NFATC3: variants seen among roughly 807,000 people sequenced by gnomAD.
The protein encoded by NFATC3 is nuclear factor of activated T cells 3, also known as nuclear factor of activated T-cells, cytoplasmic 3.
In NFATC3, 46 loss-of-function variants were observed where a neutral mutation model predicts 98.6. The ratio of observed to expected loss-of-function variants is 0.47; its 90% CI spans 0.37 to 0.60. NFATC3 has a LOEUF of 0.60. Ranked by LOEUF, NFATC3 falls within the 20% of genes least tolerant of loss-of-function variation. The probability of loss-of-function intolerance (pLI) is 0.00; values close to 1 mark genes in which losing one functional copy is unlikely to be tolerated. For synonymous variants in NFATC3, 512 were observed against 472.2 expected (o/e 1.08, Z -1.09); for missense variants, 1,256 against 1,295.5 (o/e 0.97, Z 0.47).
chr16:68,176,933 C>T (rs2039737281), intron 6 of NFATC3, among the ~76,000 whole-genome samples: 1 of 151,616 alleles, frequency 6.6e-6, no homozygotes, highest in Non-Finnish European at 1.5e-5. Flanking sequence ...GAGCCATTAA[C>T]TTGTGATATA....
intron 1 of NFATC3, among the ~76,000 whole-genome samples, chr16:68,103,024 C>G (rs1428631141): frequency 1.3e-5 from 2 of 152,058 alleles, no homozygotes; most frequent in South Asian, 4.1e-4. Context: ...AATGCCTATT[C>G]ATGTGCTTTG....
chr16:68,100,887 CTG>C (rs55677176), intron 1 of NFATC3, among the ~76,000 whole-genome samples: 12 of 146,312 alleles, frequency 8.2e-5, no homozygotes, highest in South Asian at 2.2e-4. Flanking sequence ...TTTGAGAGTT[CTG>C]TGTGTGTGTG....
chr16:68,140,495 T>C (rs1301137812), intron 3 of NFATC3, among the ~76,000 whole-genome samples: 1 of 152,214 alleles, frequency 6.6e-6, no homozygotes, highest in Non-Finnish European at 1.5e-5. Context: ...TTCAGTTGCA[T>C]TGACAACATT....
intron 4 of NFATC3, among the ~76,000 whole-genome samples, chr16:68,159,526 C>G (rs1348783311): frequency 6.6e-6 from 1 of 151,358 alleles, no homozygotes; most frequent in Non-Finnish European, 1.5e-5. Flanking sequence ...GGGTTGATGC[C>G]ATTCTCCTGC....
At chr16:68,109,855 T>C (rs866460775) in intron 1 of NFATC3, among the ~76,000 whole-genome samples, 4 of 152,218 alleles carry the variant, frequency 2.6e-5, no homozygotes, top group Non-Finnish European at 5.9e-5. Context: ...TTCTAGTTTA[T>C]TTGCATAAAG....
At chr16:68,156,428 C>G (rs1598462615) in intron 3 of NFATC3, among the ~76,000 whole-genome samples, 1 of 152,174 alleles carries the variant, frequency 6.6e-6, no homozygotes, top group East Asian at 1.9e-4. Context: ...CAACAATCTT[C>G]AACAAAATGC....
intron 9 of NFATC3, chr16:68,221,637 A>C (rs1321785962): frequency 1.0e-6 from 1 of 999,048 alleles, no homozygotes; most frequent in African/African-American, 1.7e-5. Flanking sequence ...GTGAATTCAT[A>C]AATAAGTGAA....
intron 9 of NFATC3, chr16:68,209,823 A>AC: frequency 5.4e-6 from 2 of 368,430 alleles, no homozygotes; most frequent in Non-Finnish European, 1.1e-5. Context: ...ACTCTGGCTA[A>AC]CCCCCCTGCC....
rs913002392 is a variant in NFATC3, at chr16:68,089,225, C to T, written c.103+3441C>T. ...GAGGTAAGTGGATAGAGAGTGAGGA[C>T]AAGCCAAGGGCTGAATTTAGTGAAT... On this transcript the variant is annotated intron_variant, in intron 1 of 9. Transcript: ENST00000346183. 33 of 985,252 alleles carry T rather than the reference C, an allele frequency of 3.3e-5. No homozygotes were observed. The African/African-American group carries it at 5.1e-4, about 15-fold the overall frequency. The allele number at this position is 985,252 out of a possible 1,614,324, so 61.0% of individuals were successfully genotyped here.
Position 68,199,455 on chromosome 16 carries a change from A to T in NFATC3, c.3106+7680A>T, listed in dbSNP as rs1398990196. Reference sequence around the variant, plus strand: ...TAGCCAGGATGGTCTCGATCTCCTGACCTCATGATCCGCCCACCTCTGCCT... The same window carrying T: ...TAGCCAGGATGGTCTCGATCTCCTGTCCTCATGATCCGCCCACCTCTGCCT... On this transcript the variant is annotated intron_variant, in intron 9 of 9. Coordinates refer to ENST00000346183, the MANE Select transcript of NFATC3 (RefSeq NM_173165.3). Among the ~76,000 whole-genome samples, 100 of 142,970 alleles carry T rather than the reference A, an allele frequency of 7.0e-4. 1 individual carries two copies. Among genetic ancestry groups the T allele is most frequent in the Non-Finnish European group, 4.6e-5 (3 of 65,544 alleles). 93.8% of individuals were successfully genotyped at this position (142,970 alleles called of 152,430 possible).
intron 1 of NFATC3, among the ~76,000 whole-genome samples, chr16:68,114,637 C>T (rs2036173539): frequency 6.8e-6 from 1 of 147,840 alleles, no homozygotes; most frequent in Non-Finnish European, 1.5e-5. Context: ...TGCTGTGGTG[C>T]AATCTTGGCT....
In NFATC3 at chr16:68,191,452, C is replaced by T. The variant is rs759428416; in HGVS notation, c.2783C>T (p.Pro928Leu). Reference sequence around the variant, plus strand: ...TCAGGGTCTGCTACAACAGCTTCCCCAGCAGCTTCTCATCCCTTGGCTAGT... The same window carrying T: ...TCAGGGTCTGCTACAACAGCTTCCCTAGCAGCTTCTCATCCCTTGGCTAGT... ...SHSGSATTAS[P>L]AASHPLASSP... Residue 928 changes from proline to leucine, a missense_variant, in exon 9 of 10, where the codon CCA becomes CTA. Physicochemically the swap from Pro to Leu is moderately conservative, Grantham distance 98 (BLOSUM62 -3). Transcript: ENST00000346183. 1.9e-6 allele frequency: 3 copies of T among 1,614,114 alleles called. No homozygotes were observed. The highest frequency in any genetic ancestry group is 2.5e-6 in the Non-Finnish European group (3 of 1,180,028).
chr16:68,175,235 A>C (rs1386557596), intron 6 of NFATC3, among the ~76,000 whole-genome samples: 1 of 152,222 alleles, frequency 6.6e-6, no homozygotes, highest in Non-Finnish European at 1.5e-5. Flanking sequence ...AGAAACCAAA[A>C]GTAGATTAGT....
chr16:68,177,104 G>C (rs1055885889), intron 6 of NFATC3, among the ~76,000 whole-genome samples: 1 of 148,956 alleles, frequency 6.7e-6, no homozygotes. Flanking sequence ...ATGCAATGCC[G>C]TGGTGTGGTC....
At chr16:68,166,440 G>A (rs1180542271) in intron 4 of NFATC3, among the ~76,000 whole-genome samples, 1 of 152,158 alleles carries the variant, frequency 6.6e-6, no homozygotes, top group Non-Finnish European at 1.5e-5. Context: ...CTCCAAAATA[G>A]CAAAAGTGGA....
chr16:68,130,975 C>T (rs777525167), intron 3 of NFATC3, among the ~76,000 whole-genome samples: 14 of 152,256 alleles, frequency 9.2e-5, no homozygotes, highest in Admixed American at 3.9e-4. Context: ...GAATTTATTT[C>T]TGTGCCCTCT....
intron 3 of NFATC3, among the ~76,000 whole-genome samples, chr16:68,126,908 A>G (rs925143843): frequency 3.3e-5 from 5 of 152,192 alleles, no homozygotes; most frequent in African/African-American, 1.2e-4. Context: ...TGAATAAAAT[A>G]TATGCTCATT....
At chr16:68,208,974 G>A (rs986982594) in intron 9 of NFATC3, among the ~76,000 whole-genome samples, 6 of 152,126 alleles carry the variant, frequency 3.9e-5, no homozygotes, top group African/African-American at 9.7e-5. Context: ...TGGGCTTTAT[G>A]TATTTATTTA....
intron 1 of NFATC3, among the ~76,000 whole-genome samples, chr16:68,098,303 T>TTA (rs1567495294): frequency 2.3e-3 from 268 of 118,212 alleles, no homozygotes; most frequent in Middle Eastern, 4.4e-3. Flanking sequence ...TATTATTATT[T>TTA]TTTTTTTTTT....
Sources: gnomAD v4.1 joint callset for allele counts (sites outside exome capture counted in the v4.1 genomes callset) on GRCh38, gnomAD v4.1.1 for gene constraint, MANE v1.5 for transcripts, NCBI Gene and HGNC (gene_info 2026-07-23, HGNC 2026-07-21) for gene names.